The following ABHD2 variants were observed in gnomAD, a reference collection of about 807,000 sequenced individuals.
ABHD2 encodes the protein monoacylglycerol lipase ABHD2.
A neutral mutation model predicts 48.1 loss-of-function variants in ABHD2; 20 were observed. That is an observed-to-expected ratio of 0.42 (90% CI 0.29 to 0.60). The LOEUF (loss-of-function observed/expected upper bound fraction) is 0.60. ABHD2 is among the 20% of genes least tolerant of loss of function. The probability of loss-of-function intolerance (pLI) is 0.24; values close to 1 mark genes in which losing one functional copy is unlikely to be tolerated. For synonymous variants in ABHD2, 209 were observed against 214.2 expected, an observed-to-expected ratio of 0.98 and a Z score of 0.21; for missense variants, 405 against 550.9, an observed-to-expected ratio of 0.74 and a Z score of 2.65.
intron 1 of ABHD2, among the ~76,000 whole-genome samples, chr15:89,105,411 A>G (rs2049769023): frequency 6.6e-6 from 1 of 152,174 alleles, no homozygotes. Context: ...CTTGTAGACT[A>G]TTTTCTGAAA....
At position 89,088,577 on chromosome 15, in the gene ABHD2, C is replaced by G. The variant is rs1213998559; in HGVS notation, c.-107+14C>G. On this transcript the variant is annotated intron_variant, in intron 1 of 10. Coordinates refer to ENST00000352732, the MANE Select transcript of ABHD2 (RefSeq NM_152924.5). This position sits in a 1 kb window ranked among gnomAD's most constrained non-coding sequence, Gnocchi z 6.8. ...AATCACACGCAGGTAAAGCCACGGC[C>G]GAGCGAGCTCCGCGGAGCGGGGATC... 3 of 152,284 alleles carry G rather than the reference C, an allele frequency of 2.0e-5. No individual in the cohort carries two copies. Among genetic ancestry groups the G allele is most frequent in the African/African-American group, 7.2e-5 (3 of 41,458 alleles). The allele number at this position is 152,284 out of a possible 1,614,324, so 9.4% of individuals were successfully genotyped here.
At chr15:89,194,063 C>G (rs2051351942) in intron 10 of ABHD2, among the ~76,000 whole-genome samples, 1 of 152,144 alleles carries the variant, frequency 6.6e-6, no homozygotes, top group Admixed American at 6.5e-5. Context: ...TGCACTCCAG[C>G]CTGGGCAACA....
chr15:89,192,207 T>C (rs1182439860), intron 9 of ABHD2, among the ~76,000 whole-genome samples: 3 of 152,226 alleles, frequency 2.0e-5, no homozygotes, highest in Admixed American at 2.0e-4. Flanking sequence ...TTGTGCTGTC[T>C]TATCAGCCAT....
chr15:89,165,653 A>T (rs1175111380), intron 5 of ABHD2, among the ~76,000 whole-genome samples: 1 of 152,182 alleles, frequency 6.6e-6, no homozygotes, highest in Non-Finnish European at 1.5e-5. Flanking sequence ...CAACCCTGTC[A>T]TGTGGGTGAG....
chr15:89,084,908 G>C (rs886969660), upstream of ABHD2, among the ~76,000 whole-genome samples: 37 of 152,254 alleles, frequency 2.4e-4, no homozygotes, highest in African/African-American at 8.7e-4. The surrounding 1 kb of genome is among the most constrained non-coding windows in gnomAD (Gnocchi z 4.4). Context: ...CTCGCCCAAG[G>C]TCACAAGGCT....
At chr15:89,051,391 G>C in the ABHD2 span, among the ~76,000 whole-genome samples, 72,428 of 152,032 alleles carry the variant, frequency 0.48, 18,975 homozygotes, top group African/African-American at 0.71. Flanking sequence ...GTAAGAGGGT[G>C]AAGACTCTCA....
rs1454604873 is a variant in ABHD2 at position 89,155,488 on chromosome 15, T to G, written c.492T>G (p.Gly164=). The G allele has an allele frequency of 9.3e-6, 15 of 1,614,064 alleles. No homozygotes were observed. The highest frequency in any genetic ancestry group is 1.3e-5 in the Non-Finnish European group (15 of 1,180,022). Residue 164 remains glycine, a synonymous_variant, in exon 5 of 11, where the codon GGT becomes GGG. Transcript: ENST00000352732. The surrounding 1 kb of genome is among the most constrained non-coding windows in gnomAD (Gnocchi z 4.9). ...GYRCAVLNHL[G]ALPNIELTSP... The stretch of plus-strand genomic sequence containing the variant: ...GGTGCGCCGTGCTGAACCACCTGGG[T>G]GCCCTGCCCAACATTGAATTGACCT...
rs1244470979 is a variant in ABHD2 at position 89,185,551 on chromosome 15, C to T, written c.815+35C>T. On this transcript the variant is annotated intron_variant, in intron 7 of 10. Coordinates refer to ENST00000352732, the MANE Select transcript of ABHD2 (RefSeq NM_152924.5). This position sits in a 1 kb window ranked among gnomAD's most constrained non-coding sequence, Gnocchi z 5.9. Reference sequence around the variant, plus strand: ...CTTCCGTTCTCTCTCAGGAGACAGACAGTTCCTTCCTGAGCTCATCTGGGA... The same window carrying T: ...CTTCCGTTCTCTCTCAGGAGACAGATAGTTCCTTCCTGAGCTCATCTGGGA... The T allele has an allele frequency of 6.4e-7, 1 of 1,573,586 alleles. No homozygotes were observed. Among genetic ancestry groups the T allele is most frequent in the Admixed American group, 1.7e-5 (1 of 59,916 alleles).
rs1311015622 is a variant in ABHD2, at chr15:89,196,234, G to A, written c.*811G>A. The A allele has an allele frequency of 1.3e-5, 2 of 152,166 alleles. No individual in the cohort carries two copies. The highest frequency in any genetic ancestry group is 1.3e-4 in the Admixed American group (2 of 15,278). 9.4% of individuals were successfully genotyped at this position (152,166 alleles called of 1,614,324 possible). On this transcript the variant is annotated 3_prime_UTR_variant, in exon 11 of 11. Coordinates refer to ENST00000352732, the MANE Select transcript of ABHD2 (RefSeq NM_152924.5). ...CTCGTTTTATTGAAATTCATAATCAGGGGTGTCCTCTAGCTCCCACGGTCT... is the reference window on the plus strand; with the variant it reads ...CTCGTTTTATTGAAATTCATAATCAAGGGTGTCCTCTAGCTCCCACGGTCT...
chr15:89,178,201 T>A lies in ABHD2; in HGVS notation c.722+2206T>A, dbSNP rs564370098. ...GGCTAAGATCATGTGGTCCTGCATA[T>A]GGGAACTGGCACCAGGTCAGAGAGA... On this transcript the variant is annotated intron_variant, in intron 6 of 10. Transcript: ENST00000352732. Among the ~76,000 whole-genome samples the A allele has an allele frequency of 1.1e-4, 16 of 152,350 alleles. No individual in the cohort carries two copies. In the South Asian group the frequency reaches 3.3e-3, roughly 32 times the overall value.
Position 89,143,151 on chromosome 15 carries a change from G to A in ABHD2, c.195-8526G>A, listed in dbSNP as rs537280805. Among the ~76,000 whole-genome samples, 189 of 152,066 alleles carry A rather than the reference G, an allele frequency of 1.2e-3. 1 individual carries two copies. Among genetic ancestry groups the A allele is most frequent in the Middle Eastern group, 6.8e-3 (2 of 294 alleles). On this transcript the variant is annotated intron_variant, in intron 3 of 10. Coordinates refer to ENST00000352732, the MANE Select transcript of ABHD2 (RefSeq NM_152924.5). ...CTTCTGCTATAGCAAGTTCTCTTGC[G>A]GCTGTTAGTTCCACCAAGTCCAATT...
chr15:89,126,231 G>A (rs1448091293), intron 3 of ABHD2, among the ~76,000 whole-genome samples: 1 of 152,152 alleles, frequency 6.6e-6, no homozygotes, highest in Admixed American at 6.5e-5. Context: ...TTGGCTCCAC[G>A]TGTAAGGTCC....
chr15:89,152,770 G>T (rs537552592), intron 4 of ABHD2, among the ~76,000 whole-genome samples: 25 of 152,238 alleles, frequency 1.6e-4, no homozygotes, highest in Non-Finnish European at 3.1e-4. Flanking sequence ...TTTCATTGCT[G>T]CTGGAATTTG....
At chr15:89,187,889 C>G (rs1393997484) in intron 7 of ABHD2, among the ~76,000 whole-genome samples, 1 of 152,208 alleles carries the variant, frequency 6.6e-6, no homozygotes, top group Admixed American at 6.5e-5. Context: ...TACGGCTTGG[C>G]CCATGGCCCA....
the ABHD2 span, among the ~76,000 whole-genome samples, chr15:89,050,696 C>T: frequency 6.6e-6 from 1 of 152,080 alleles, no homozygotes; most frequent in Non-Finnish European, 1.5e-5. Context: ...CCCTCAGATG[C>T]CAGGCAACTG....
intron 5 of ABHD2, among the ~76,000 whole-genome samples, chr15:89,171,115 C>CAAAAAAAAA (rs137861642): frequency 6.3e-4 from 96 of 151,874 alleles, no homozygotes; most frequent in African/African-American, 2.2e-3. Flanking sequence ...ACTCCATCTC[C>CAAAAAAAAA]AAAAGAAAAA....
chr15:89,067,773 C>T, the ABHD2 span, among the ~76,000 whole-genome samples: 1 of 152,186 alleles, frequency 6.6e-6, no homozygotes, highest in African/African-American at 2.4e-5. Flanking sequence ...CTCTGTGGAG[C>T]AAACTCTATT....
At chr15:89,118,457 C>T (rs984928905) in intron 3 of ABHD2, among the ~76,000 whole-genome samples, 2 of 152,162 alleles carry the variant, frequency 1.3e-5, no homozygotes, top group Admixed American at 6.5e-5. Context: ...CAAGCATGAG[C>T]CACGGCGCTC....
chr15:89,118,225 C>T (rs1484285471), intron 3 of ABHD2, among the ~76,000 whole-genome samples: 1 of 151,852 alleles, frequency 6.6e-6, no homozygotes, highest in African/African-American at 2.4e-5. Context: ...ACTCTGTCAC[C>T]CGGGCTGGAG....
Sources: allele counts gnomAD v4.1 joint callset (sites outside exome capture counted in the v4.1 genomes callset), GRCh38; gene constraint gnomAD v4.1.1; non-coding constraint Gnocchi (gnomAD v3.1); transcripts MANE v1.5; gene names NCBI Gene and HGNC (gene_info 2026-07-23, HGNC 2026-07-21).